The following IBA57 variants were observed in gnomAD, a reference collection of about 807,000 sequenced individuals.
IBA57 encodes the protein iron-sulfur cluster assembly factor IBA57, also known as iron-sulfur cluster assembly factor IBA57, mitochondrial.
Under a neutral mutation model 20.4 loss-of-function variants are expected in IBA57, and 20 were observed. That is an observed-to-expected ratio of 0.98 (90% CI 0.69 to 1.42). The LOEUF (loss-of-function observed/expected upper bound fraction) is 1.42. IBA57 is among the 40% of genes most tolerant of loss of function. The pLI is 0.00. For missense variants in IBA57, 608 were observed against 499.3 expected (o/e 1.22, Z -2.07); for synonymous variants, 310 against 233.9 (o/e 1.33, Z -2.97).
intron 1 of IBA57, among the ~76,000 whole-genome samples, chr1:228,167,355 CTTTTTT>C (rs56835417): frequency 1.6e-5 from 2 of 123,628 alleles, no homozygotes; most frequent in Non-Finnish European, 3.5e-5. Context: ...TCTGGGGCTT[CTTTTTT>C]TTTTTTTTTT....
rs1202631215 is a variant in IBA57, at chr1:228,181,919, C to T, written c.*6406C>T. 1 of 152,272 alleles carries T rather than the reference C, an allele frequency of 6.6e-6. No homozygotes were observed. Among genetic ancestry groups the T allele is most frequent in the Non-Finnish European group, 1.5e-5 (1 of 68,066 alleles). The allele number at this position is 152,272 out of a possible 1,614,324, so 9.4% of individuals were successfully genotyped here. On this transcript the variant is annotated 3_prime_UTR_variant, in exon 3 of 3. Transcript: ENST00000366711. ...CCAGGGCAGTGCTCCACGTGCCAAC[C>T]CTGGGGCAGGGAGCCCAAGCTAGGA...
intron 1 of IBA57, 65 bp downstream of exon 1, chr1:228,166,222 C>G: frequency 8.3e-7 from 1 of 1,201,710 alleles, no homozygotes; most frequent in South Asian, 2.1e-5. Context: ...GACCGGCACC[C>G]AGGGACAGGG....
chr1:228,170,111 C>T lies in IBA57; in HGVS notation c.341+3954C>T, dbSNP rs1017035002. Reference sequence around the variant, plus strand: ...GTCTCGAACTACTGACCTCATGATCCGCCCGCCTCGGCCTCCCAAAGTGCT... The same window carrying T: ...GTCTCGAACTACTGACCTCATGATCTGCCCGCCTCGGCCTCCCAAAGTGCT... On this transcript the variant is annotated intron_variant, in intron 1 of 2. Coordinates refer to ENST00000366711, the MANE Select transcript of IBA57 (RefSeq NM_001010867.4). This position sits in a 1 kb window ranked among gnomAD's most constrained non-coding sequence, Gnocchi z 4.8. Among the ~76,000 whole-genome samples the T allele has an allele frequency of 6.6e-6, 1 of 152,172 alleles. No individual in the cohort carries two copies. Among genetic ancestry groups the T allele is most frequent in the African/African-American group, 2.4e-5 (1 of 41,462 alleles).
chr1:228,167,507 C>T (rs1413291871), intron 1 of IBA57, among the ~76,000 whole-genome samples: 1 of 152,140 alleles, frequency 6.6e-6, no homozygotes. Context: ...CAGGTGCCTG[C>T]CACCATGCCC....
At chr1:228,166,253 A>C in intron 1 of IBA57, 96 bp downstream of exon 1, 1 of 125,506 alleles carries the variant, frequency 8.0e-6, no homozygotes, top group Non-Finnish European at 1.0e-5. Flanking sequence ...GGGCCTGCAG[A>C]GGGCGTGGGG....
intron 1 of IBA57, chr1:228,172,983 G>A (rs1051136705): frequency 6.6e-6 from 1 of 152,302 alleles, no homozygotes; most frequent in African/African-American, 2.4e-5. Context: ...GATGTCCTGT[G>A]ACCGCTGTCC....
rs1278049832 is a variant in IBA57, at chr1:228,179,724, AAG to A, written c.*4215_*4216del. ...CAAAGAGATCTTAAGGCAGAAAAGA[AAG>A]AGATTATCTGGAAAGAAGAAAATAA... is the stretch of plus-strand genomic sequence containing the variant. On this transcript the variant is annotated 3_prime_UTR_variant, in exon 3 of 3. Transcript: ENST00000366711. 4 of 152,350 alleles carry A rather than the reference AAG, an allele frequency of 2.6e-5. No individual in the cohort carries two copies. The highest frequency in any genetic ancestry group is 2.1e-4 in the South Asian group (1 of 4,832). 9.4% of individuals were successfully genotyped at this position (152,350 alleles called of 1,614,324 possible).
Position 228,165,909 on chromosome 1 carries a change from G to C in IBA57, c.93G>C (p.Leu31=), listed in dbSNP as rs1188378430. ...TGCGCGCGGCCCCAAGGTGCCGCCT[G>C]GCCCACAGCTCCTGCAGTCCTGGTG... The part of the protein sequence containing the change: ...WRLRAAPRCR[L]AHSSCSPGGD... The change falls in exon 1 of 3, where the codon CTG becomes CTC. Residue 31 remains leucine, a synonymous_variant. Transcript: ENST00000366711. 6.9e-7 allele frequency: 1 copy of C among 1,449,404 alleles called. No individual in the cohort carries two copies. The highest frequency in any genetic ancestry group is 1.3e-5 in the South Asian group (1 of 74,326). The allele number at this position is 1,449,404 out of a possible 1,614,324, so 89.8% of individuals were successfully genotyped here. A position where few individuals can be genotyped will look rare whatever the true frequency, so the allele number is the denominator to read the frequency against.
chr1:228,168,541 C>T (rs1465326188), intron 1 of IBA57, among the ~76,000 whole-genome samples: 1 of 152,108 alleles, frequency 6.6e-6, no homozygotes, highest in Non-Finnish European at 1.5e-5. Flanking sequence ...TGTCTGCAGA[C>T]CTACTGGGCC....
rs753553101 is a variant in IBA57 at position 228,176,657 on chromosome 1, C to T, written c.*1144C>T. 2.0e-5 allele frequency: 3 copies of T among 152,418 alleles called. No homozygotes were observed. Among genetic ancestry groups the T allele is most frequent in the Non-Finnish European group, 2.9e-5 (2 of 68,212 alleles). 9.4% of individuals were successfully genotyped at this position (152,418 alleles called of 1,614,324 possible). On this transcript the variant is annotated 3_prime_UTR_variant, in exon 3 of 3. Transcript: ENST00000366711. ...CAGGCGTTTGGGCCACCAAGCTGGACGTTAGGGTGGCCACAGAGGGCCAAG... is the reference window on the plus strand; with the variant it reads ...CAGGCGTTTGGGCCACCAAGCTGGATGTTAGGGTGGCCACAGAGGGCCAAG...
rs1451316371 is a variant in IBA57 at position 228,179,473 on chromosome 1, G to A, written c.*3960G>A. ...GAAAATATGAGATGGGATGAGACAA[G>A]AAGATGGAGAGTTTAGTATGACATC... On this transcript the variant is annotated 3_prime_UTR_variant, in exon 3 of 3. Coordinates refer to ENST00000366711, the MANE Select transcript of IBA57 (RefSeq NM_001010867.4). The A allele has an allele frequency of 1.3e-5, 2 of 152,206 alleles. No homozygotes were observed. Among genetic ancestry groups the A allele is most frequent in the Non-Finnish European group, 2.9e-5 (2 of 68,042 alleles). 9.4% of individuals were successfully genotyped at this position (152,206 alleles called of 1,614,324 possible). A position where few individuals can be genotyped will look rare whatever the true frequency, so the allele number is the denominator to read the frequency against.
intron 1 of IBA57, 124 bp downstream of exon 1, chr1:228,166,281 G>A (rs1439830300): frequency 3.3e-6 from 2 of 609,440 alleles, no homozygotes; most frequent in Non-Finnish European, 5.1e-6. Flanking sequence ...ACCCGGGGAG[G>A]GCCGGGATGG....
chr1:228,169,965 C>T (rs2034900792), intron 1 of IBA57, among the ~76,000 whole-genome samples: 1 of 152,138 alleles, frequency 6.6e-6, no homozygotes, highest in Admixed American at 6.5e-5. Context: ...CTCCCAGGTT[C>T]AAGCGATTCT....
chr1:228,175,016 C>G lies in IBA57; in HGVS notation c.666C>G (p.His222Gln). Residue 222 changes from histidine (H) to glutamine (Q), a missense_variant, in exon 2 of 3, where the codon CAC becomes CAG. Physicochemically the swap from His to Gln is conservative, Grantham distance 24. Transcript: ENST00000366711. ...RLGDLWDYHQHRYLQGVPEGV... is the reference protein window; with the variant it reads ...RLGDLWDYHQQRYLQGVPEGV... The stretch of plus-strand genomic sequence containing the variant: ...GGGACTTGTGGGATTATCACCAGCA[C>G]CGATACCTGCAAGGTATGGGTGGGG... 1 of 1,552,598 alleles carries G rather than the reference C, an allele frequency of 6.4e-7. No individual in the cohort carries two copies. Among genetic ancestry groups the G allele is most frequent in the Non-Finnish European group, 8.7e-7 (1 of 1,146,406 alleles).
chr1:228,175,453 G>C lies in IBA57; in HGVS notation c.1011G>C (p.Glu337Asp). Residue 337 changes from glutamate to aspartate, a missense_variant, in exon 3 of 3, where the codon GAG (glutamate) becomes GAC (aspartate). Glu to Asp is a conservative substitution (Grantham distance 45). Transcript: ENST00000366711. ...GTCCTCTGCACATCAGAGCCTCTGA[G>C]GGTGCCCAGGTGGCCTTAGCCGCAT... ...IKGPLHIRAS[E>D]GAQVALAASV... The C allele has an allele frequency of 6.2e-7, 1 of 1,606,818 alleles. No individual in the cohort carries two copies. Among genetic ancestry groups the C allele is most frequent in the East Asian group, 2.2e-5 (1 of 44,760 alleles).
At chr1:228,173,779 G>A (rs1213835416) in intron 1 of IBA57, among the ~76,000 whole-genome samples, 1 of 152,214 alleles carries the variant, frequency 6.6e-6, no homozygotes, top group Non-Finnish European at 1.5e-5. Context: ...ACATCCAGCG[G>A]ACTGTTGTCA....
At position 228,166,172 on chromosome 1, in the gene IBA57, G is replaced by T; in HGVS notation, c.341+15G>T. 6.9e-7 allele frequency: 1 copy of T among 1,445,520 alleles called. No homozygotes were observed. The highest frequency in any genetic ancestry group is 9.1e-7 in the Non-Finnish European group (1 of 1,093,392). The allele number at this position is 1,445,520 out of a possible 1,614,324, so 89.5% of individuals were successfully genotyped here. ...ATCTTGTACGGGTGAGCGCGTGCTG[G>T]GAGGGCGCTCGGGGGCGGGCACCCA... is the stretch of plus-strand genomic sequence containing the variant. On this transcript the variant is annotated intron_variant, in intron 1 of 2. Coordinates refer to ENST00000366711, the MANE Select transcript of IBA57 (RefSeq NM_001010867.4).
At position 228,179,992 on chromosome 1, in the gene IBA57, C is replaced by T. The variant is rs2035082237; in HGVS notation, c.*4479C>T. The T allele has an allele frequency of 6.6e-6, 1 of 151,752 alleles. No homozygotes were observed. Among genetic ancestry groups the T allele is most frequent in the South Asian group, 2.1e-4 (1 of 4,808 alleles). The allele number at this position is 151,752 out of a possible 1,614,324, so 9.4% of individuals were successfully genotyped here. On this transcript the variant is annotated 3_prime_UTR_variant, in exon 3 of 3. Transcript: ENST00000366711. ...TCAACATGGTGAAACCCTGTCTCTACTAAAAATATAAAAATTAGCTGGGTG... is the reference window on the plus strand; with the variant it reads ...TCAACATGGTGAAACCCTGTCTCTATTAAAAATATAAAAATTAGCTGGGTG...
At position 228,165,880 on chromosome 1, in the gene IBA57, C is replaced by T; in HGVS notation, c.64C>T (p.Arg22Trp). 1 of 1,337,976 alleles carries T rather than the reference C, an allele frequency of 7.5e-7. No homozygotes were observed. The highest frequency in any genetic ancestry group is 3.1e-5 in the East Asian group (1 of 32,132). 82.9% of individuals were successfully genotyped at this position (1,337,976 alleles called of 1,614,324 possible). ...GCGCGGCGGCCCGGTCTGGCGCTGG[C>T]GGCTGCGCGCGGCCCCAAGGTGCCG... ...PGRGGPVWRW[R>W]LRAAPRCRLA... The change falls in exon 1 of 3, where the codon CGG (arginine) becomes TGG (tryptophan). Residue 22 changes from arginine (R) to tryptophan (W), a missense_variant. Transcript: ENST00000366711.
Sources: allele counts gnomAD v4.1 joint callset (sites outside exome capture counted in the v4.1 genomes callset), GRCh38; gene constraint gnomAD v4.1.1; non-coding constraint Gnocchi (gnomAD v3.1); transcripts MANE v1.5; gene names NCBI Gene and HGNC (gene_info 2026-07-23, HGNC 2026-07-21).